ZNF444: variants seen among roughly 807,000 people sequenced by gnomAD.
ZNF444 encodes the protein endothelial zinc finger protein 2.
A neutral mutation model predicts 14.4 loss-of-function variants in ZNF444; 8 were observed. The observed-to-expected ratio is 0.56, with a 90% confidence interval of 0.33 to 1.00. The LOEUF (loss-of-function observed/expected upper bound fraction) is 1.00, where lower values mean the gene tolerates loss of function less well. Ranked by LOEUF, ZNF444 falls within the 50% of genes least tolerant of loss-of-function variation. The pLI, the probability that ZNF444 is intolerant of heterozygous loss-of-function variation, is 0.03. For missense variants in ZNF444, 510 were observed against 504.8 expected, an observed-to-expected ratio of 1.01 and a Z score of -0.10; for synonymous variants, 258 against 235.9, an observed-to-expected ratio of 1.09 and a Z score of -0.86.
chr19:56,160,349 C>T lies in ZNF444; in HGVS notation c.*148C>T, dbSNP rs562967507. Reference sequence around the variant, plus strand: ...CCTCCCTTGTCTGAACTTCCCAACGCCTTCCTATTCCTTTCCAACTCCTTT... The same window carrying T: ...CCTCCCTTGTCTGAACTTCCCAACGTCTTCCTATTCCTTTCCAACTCCTTT... On this transcript the variant is annotated 3_prime_UTR_variant, in exon 5 of 5. Coordinates refer to ENST00000337080, the MANE Select transcript of ZNF444 (RefSeq NM_018337.4). 1 of 585,212 alleles carries T rather than the reference C, an allele frequency of 1.7e-6. No individual in the cohort carries two copies. Among genetic ancestry groups the T allele is most frequent in the Admixed American group, 4.2e-5 (1 of 23,750 alleles). 36.3% of individuals were successfully genotyped at this position (585,212 alleles called of 1,614,324 possible). A position where few individuals can be genotyped will look rare whatever the true frequency, so the allele number is the denominator to read the frequency against.
intron 3 of ZNF444, chr19:56,154,881 CAGTT>C (rs1415867169): frequency 1.3e-5 from 2 of 152,028 alleles, no homozygotes; most frequent in South Asian, 2.1e-4. Flanking sequence ...GGAAGTCTCT[CAGTT>C]AGTACACAGA....
intron 1 of ZNF444, chr19:56,142,279 A>T (rs943922165): frequency 1.3e-5 from 2 of 152,194 alleles, no homozygotes; most frequent in Non-Finnish European, 2.9e-5. Flanking sequence ...TTTACAGTCA[A>T]CGAAATGGAG....
At chr19:56,158,463 TTC>T (rs1470136327) in intron 3 of ZNF444, 29 bp from the exon 4 acceptor site, 1 of 1,578,494 alleles carries the variant, frequency 6.3e-7, no homozygotes, top group African/African-American at 1.4e-5. Context: ...TTGCTCAGGT[TTC>T]TGAGTTCAAA....
rs2032214240 is a variant in ZNF444 at position 56,160,297 on chromosome 19, C to T, written c.*96C>T. On this transcript the variant is annotated 3_prime_UTR_variant, in exon 5 of 5. Transcript: ENST00000337080. ...CACTTGGCCTCTTCCTCTCCTCCTT[C>T]CCTCCCATCGTCCTCCTCCACCTGC... 2.9e-6 allele frequency: 3 copies of T among 1,022,062 alleles called. No homozygotes were observed. Among genetic ancestry groups the T allele is most frequent in the East Asian group, 3.3e-5 (1 of 30,096 alleles). 63.3% of individuals were successfully genotyped at this position (1,022,062 alleles called of 1,614,324 possible). A position where few individuals can be genotyped will look rare whatever the true frequency, so the allele number is the denominator to read the frequency against.
At position 56,144,700 on chromosome 19, in the gene ZNF444, T is replaced by C. The variant is rs989946276; in HGVS notation, c.-196-1547T>C. Among the ~76,000 whole-genome samples, 2 of 152,128 alleles carry C rather than the reference T, an allele frequency of 1.3e-5. No homozygotes were observed. The highest frequency in any genetic ancestry group is 4.8e-5 in the African/African-American group (2 of 41,374). ...GACCTCACCGGCTAGAAGCAGATTA[T>C]GTGCCCACCCTCTGCCTTGTGGTCA... On this transcript the variant is annotated intron_variant, in intron 1 of 4. Coordinates refer to ENST00000337080, the MANE Select transcript of ZNF444 (RefSeq NM_018337.4). This position sits in a 1 kb window ranked among gnomAD's most constrained non-coding sequence, Gnocchi z 4.0.
chr19:56,158,421 A>G, intron 3 of ZNF444, 73 bp from the exon 4 acceptor site: 1 of 1,384,094 alleles, frequency 7.2e-7, no homozygotes, highest in South Asian at 1.4e-5. Context: ...CAGCTGGTCG[A>G]CGGTGGTTGG....
At chr19:56,151,972 G>A in intron 3 of ZNF444, 1 of 455,446 alleles carries the variant, frequency 2.2e-6, no homozygotes, top group Admixed American at 2.4e-5. Flanking sequence ...GGATGAGAAG[G>A]AGAGGACAGC....
At position 56,159,734 on chromosome 19, in the gene ZNF444, C is replaced by T. The variant is rs921891051; in HGVS notation, c.517C>T (p.Leu173=). The change falls in exon 5 of 5, where the codon CTA becomes TTA. Residue 173 remains leucine (L), a synonymous_variant. Coordinates refer to ENST00000337080, the MANE Select transcript of ZNF444 (RefSeq NM_018337.4). The part of the protein sequence containing the change: ...PPLAPGLPAF[L]AAPGTTSCPE... ...GCTGGCGCCTGGCCTGCCCGCCTTC[C>T]TAGCGGCCCCGGGCACCACGTCCTG... The T allele has an allele frequency of 3.2e-6, 5 of 1,579,646 alleles. No homozygotes were observed. In the South Asian group the frequency reaches 5.7e-5, roughly 18 times the overall value.
chr19:56,140,414 G>A (rs1412055817), upstream of ZNF444, among the ~76,000 whole-genome samples: 1 of 152,302 alleles, frequency 6.6e-6, no homozygotes, highest in Non-Finnish European at 1.5e-5. Context: ...AGAAACTGAG[G>A]CCTCAGGACG....
intron 3 of ZNF444, chr19:56,150,432 T>C (rs1175490670): frequency 1.4e-5 from 5 of 350,666 alleles, no homozygotes; most frequent in Non-Finnish European, 2.8e-5. Flanking sequence ...AACCTCTCAC[T>C]GTGGCTCTGG....
rs1196330553 is a variant in ZNF444 at position 56,133,761 on chromosome 19, C to T, written c.-197+983C>T. ...CCGGAAGGCGGAGCTTGCAGTGAGC[C>T]AAGATCGCGCCACTGCACTCCAGCC... On this transcript the variant is annotated intron_variant, in intron 1 of 2. Coordinates refer to the ZNF444 transcript ENST00000587467. Among the ~76,000 whole-genome samples the T allele has an allele frequency of 4.9e-5, 7 of 143,392 alleles. 1 individual carries two copies. Among genetic ancestry groups the T allele is most frequent in the Admixed American group, 2.9e-4 (4 of 13,982 alleles). 94.1% of individuals were successfully genotyped at this position (143,392 alleles called of 152,430 possible).
rs1242287113 is a variant in ZNF444, at chr19:56,159,772, C to T, written c.555C>T (p.Gly185=). Residue 185 remains glycine (G), a synonymous_variant, in exon 5 of 5, where the codon GGC becomes GGT. Transcript: ENST00000337080. ...APGTTSCPEC[G]KTSLKPAHLL... ...GCACCACGTCCTGCCCCGAGTGCGG[C>T]AAAACGTCCCTGAAACCAGCTCACC... 1 of 1,594,344 alleles carries T rather than the reference C, an allele frequency of 6.3e-7. No homozygotes were observed. Among genetic ancestry groups the T allele is most frequent in the South Asian group, 1.1e-5 (1 of 88,844 alleles).
rs569846924 is a variant in ZNF444 at position 56,147,673 on chromosome 19, C to T, written c.297+465C>T. ...TTCTGTGTGGCTGACCTCAGCCTCC[C>T]GCCCCCTGAAAGTCAAGGATACCCC... On this transcript the variant is annotated intron_variant, in intron 3 of 4. Coordinates refer to ENST00000337080, the MANE Select transcript of ZNF444 (RefSeq NM_018337.4). The surrounding 1 kb of genome is among the most constrained non-coding windows in gnomAD (Gnocchi z 5.9). Among the ~76,000 whole-genome samples the T allele has an allele frequency of 1.1e-4, 17 of 152,232 alleles. No homozygotes were observed. The South Asian group carries it at 2.9e-3, about 26-fold the overall frequency.
intron 3 of ZNF444, among the ~76,000 whole-genome samples, chr19:56,149,396 C>T (rs2031435762): frequency 2.7e-5 from 4 of 149,326 alleles, no homozygotes; most frequent in Admixed American, 2.7e-4. Context: ...TTCCATCCCC[C>T]ATCACTCCTC....
At chr19:56,137,467 C>G (rs28523353), upstream of ZNF444, among the ~76,000 whole-genome samples, 1 of 150,406 alleles carries the variant, frequency 6.6e-6, no homozygotes, top group Non-Finnish European at 1.5e-5. Flanking sequence ...GAGACTCAGC[C>G]TCAAAAAAGA....
chr19:56,140,893 T>C (rs1394424843), upstream of ZNF444: 1 of 152,342 alleles, frequency 6.6e-6, no homozygotes, highest in African/African-American at 2.4e-5. Context: ...CCCTCTTTTT[T>C]TCCCGGCACT....
chr19:56,134,519 G>C (rs1324053999), intron 1 of ZNF444, among the ~76,000 whole-genome samples: 1 of 152,196 alleles, frequency 6.6e-6, no homozygotes, highest in Admixed American at 6.5e-5. Flanking sequence ...CTCTGCGGAA[G>C]CTCCAGTGAG....
intron 1 of ZNF444, among the ~76,000 whole-genome samples, chr19:56,143,897 G>C (rs1600003311): frequency 1.3e-5 from 2 of 152,156 alleles, no homozygotes; most frequent in Admixed American, 6.5e-5. Context: ...TTGCATGGAG[G>C]CCTCAGTCAT....
At chr19:56,139,715 C>A (rs200961962), upstream of ZNF444, among the ~76,000 whole-genome samples, 41 of 143,322 alleles carry the variant, frequency 2.9e-4, no homozygotes, top group African/African-American at 3.6e-4. Flanking sequence ...AACAAAAAAC[C>A]AAAAAAAAAA....
Sources: allele counts gnomAD v4.1 joint callset (sites outside exome capture counted in the v4.1 genomes callset), GRCh38; gene constraint gnomAD v4.1.1; non-coding constraint Gnocchi (gnomAD v3.1); transcripts MANE v1.5; gene names NCBI Gene and HGNC (gene_info 2026-07-23, HGNC 2026-07-21).